The following LRRC4C variants were observed in gnomAD, a reference collection of about 807,000 sequenced individuals.
LRRC4C encodes leucine-rich repeat-containing protein 4C.
LRRC4C carries 5 observed loss-of-function variants against 33.6 expected under a neutral mutation model. That is an observed-to-expected ratio of 0.15 (90% CI 0.08 to 0.31). The LOEUF (loss-of-function observed/expected upper bound fraction) is 0.31, where lower values mean the gene tolerates loss of function less well. LRRC4C is among the 10% of genes least tolerant of loss of function. The pLI is 1.00. For missense variants in LRRC4C, 560 were observed against 796.7 expected (o/e 0.70, Z 3.58); for synonymous variants, 329 against 302.0 (o/e 1.09, Z -0.93).
chr11:41,235,892 A>G (rs1427899078), intron 1 of LRRC4C, among the ~76,000 whole-genome samples: 2 of 152,100 alleles, frequency 1.3e-5, no homozygotes, highest in African/African-American at 4.8e-5. Context: ...GTAATGAGGT[A>G]GATACTCCAG....
At chr11:40,586,838 C>T (rs1245460518) in intron 3 of LRRC4C, among the ~76,000 whole-genome samples, 1 of 152,130 alleles carries the variant, frequency 6.6e-6, no homozygotes, top group Non-Finnish European at 1.5e-5. Context: ...ATCTATATCT[C>T]TGTTGTGGTA....
intron 5 of LRRC4C, among the ~76,000 whole-genome samples, chr11:40,166,615 C>CA (rs1364903678): frequency 2.6e-5 from 4 of 152,142 alleles, no homozygotes; most frequent in Admixed American, 2.6e-4. Flanking sequence ...TAAAGCCTCA[C>CA]ATAGTATCAG....
At chr11:41,159,319 C>A (rs975925024) in intron 1 of LRRC4C, among the ~76,000 whole-genome samples, 3 of 151,752 alleles carry the variant, frequency 2.0e-5, no homozygotes, top group Admixed American at 6.6e-5. Context: ...AAAAATAAAA[C>A]ATTAAAATTA....
At chr11:40,737,776 G>A (rs1564995558) in intron 2 of LRRC4C, among the ~76,000 whole-genome samples, 2 of 152,126 alleles carry the variant, frequency 1.3e-5, no homozygotes, top group African/African-American at 4.8e-5. Flanking sequence ...AATCAATACT[G>A]TGAAAATGGT....
At chr11:40,577,458 A>C (rs2135602197) in intron 3 of LRRC4C, among the ~76,000 whole-genome samples, 1 of 152,328 alleles carries the variant, frequency 6.6e-6, no homozygotes, top group Admixed American at 6.5e-5. Flanking sequence ...GGACTTTCTC[A>C]GGCAAACTTG....
chr11:40,436,898 T>C (rs1202861430), intron 3 of LRRC4C, among the ~76,000 whole-genome samples: 1 of 152,008 alleles, frequency 6.6e-6, no homozygotes, highest in Non-Finnish European at 1.5e-5. Context: ...GAGAGGCTGT[T>C]AGAGATGTAA....
In LRRC4C at chr11:41,123,273, T is replaced by G. The variant is rs1206645423; in HGVS notation, c.-495-189550A>C. On this transcript the variant is annotated intron_variant, in intron 1 of 6. Transcript: ENST00000528697. The stretch of plus-strand genomic sequence containing the variant: ...TGAGCTATGTTTTGTTTTTTTTTTT[T>G]TTTTTTTTTTTTTTTTTGAGACGGA... Among the ~76,000 whole-genome samples, 45 of 89,926 alleles carry G rather than the reference T, an allele frequency of 5.0e-4. 1 individual carries two copies. The highest frequency in any genetic ancestry group is 4.0e-3 in the East Asian group (8 of 2,010). The allele number at this position is 89,926 out of a possible 152,430, so 59.0% of individuals were successfully genotyped here.
intron 2 of LRRC4C, among the ~76,000 whole-genome samples, chr11:40,693,188 A>ATGC (rs1361147436): frequency 6.6e-6 from 1 of 152,142 alleles, no homozygotes; most frequent in Non-Finnish European, 1.5e-5. Context: ...GGCACTGGAA[A>ATGC]TGCTGGTCTG....
At chr11:41,298,194 G>A (rs1439376039) in intron 1 of LRRC4C, among the ~76,000 whole-genome samples, 7 of 152,016 alleles carry the variant, frequency 4.6e-5, no homozygotes, top group East Asian at 1.9e-4. Context: ...TATACTTGTC[G>A]CTGCCTCAGT....
chr11:41,326,947 T>G (rs1951139658), intron 1 of LRRC4C, among the ~76,000 whole-genome samples: 1 of 152,196 alleles, frequency 6.6e-6, no homozygotes, highest in African/African-American at 2.4e-5. Flanking sequence ...ATCACATTCT[T>G]GTAGATTACA....
intron 1 of LRRC4C, among the ~76,000 whole-genome samples, chr11:41,054,296 C>A (rs1181884008): frequency 6.6e-6 from 1 of 152,084 alleles, no homozygotes; most frequent in East Asian, 1.9e-4. Context: ...ATATTCAATT[C>A]AAACCGGTGA....
chr11:41,191,417 C>T (rs1287154213), intron 1 of LRRC4C, among the ~76,000 whole-genome samples: 1 of 152,194 alleles, frequency 6.6e-6, no homozygotes, highest in African/African-American at 2.4e-5. Flanking sequence ...TTCCCTTCAA[C>T]TACCAATTTA....
intron 3 of LRRC4C, among the ~76,000 whole-genome samples, chr11:40,592,691 A>G (rs1959111830): frequency 6.6e-6 from 1 of 152,176 alleles, no homozygotes; most frequent in South Asian, 2.1e-4. Context: ...TATAACTTTT[A>G]GCCAGACAAT....
At chr11:40,594,620 A>T (rs1012076328) in intron 3 of LRRC4C, among the ~76,000 whole-genome samples, 8 of 152,188 alleles carry the variant, frequency 5.3e-5, no homozygotes, top group Middle Eastern at 3.4e-3. Flanking sequence ...CCTATTTTTT[A>T]AAAAAATAGA....
chr11:40,446,939 G>A (rs1951663798), intron 3 of LRRC4C: 1 of 152,378 alleles, frequency 6.6e-6, no homozygotes, highest in Admixed American at 6.5e-5. Context: ...GATTTGGGGT[G>A]GGGACACAGC....
At chr11:40,165,763 T>C (rs887618400) in intron 5 of LRRC4C, among the ~76,000 whole-genome samples, 1 of 152,132 alleles carries the variant, frequency 6.6e-6, no homozygotes, top group African/African-American at 2.4e-5. Context: ...CTGACCAACA[T>C]GGAGGAACCC....
chr11:40,380,051 T>C (rs761569059), intron 3 of LRRC4C, among the ~76,000 whole-genome samples: 7 of 152,168 alleles, frequency 4.6e-5, no homozygotes, highest in Non-Finnish European at 8.8e-5. Flanking sequence ...ATTAAGACAG[T>C]AATTGTGAGA....
intron 1 of LRRC4C, among the ~76,000 whole-genome samples, chr11:41,082,058 A>T (rs1939614049): frequency 6.6e-6 from 1 of 152,154 alleles, no homozygotes; most frequent in South Asian, 2.1e-4. Context: ...ACTGGTCTCA[A>T]TGGTCGCTTG....
At chr11:40,320,590 A>T (rs1321959260) in intron 3 of LRRC4C, among the ~76,000 whole-genome samples, 1 of 152,242 alleles carries the variant, frequency 6.6e-6, no homozygotes, top group African/African-American at 2.4e-5. Flanking sequence ...ACAGAAAATA[A>T]GTAAATATAG....
Sources: gnomAD v4.1 joint callset for allele counts (sites outside exome capture counted in the v4.1 genomes callset) on GRCh38, gnomAD v4.1.1 for gene constraint, MANE v1.5 for transcripts, NCBI Gene and HGNC (gene_info 2026-07-23, HGNC 2026-07-21) for gene names.